The following ZNF718 variants were observed in gnomAD, a reference collection of about 807,000 sequenced individuals.
The protein encoded by ZNF718 is zinc finger protein 718.
In ZNF718, 3 loss-of-function variants were observed where a neutral mutation model predicts 2.6. The ratio of observed to expected loss-of-function variants is 1.16; its 90% CI spans 0.53 to 3.01. The LOEUF is 3.01. ZNF718 is among the 30% of genes most tolerant of loss of function. The pLI is 0.03. For synonymous variants in ZNF718, 135 were observed against 77.9 expected, an observed-to-expected ratio of 1.73 and a Z score of -3.86; for missense variants, 468 against 230.0, an observed-to-expected ratio of 2.03 and a Z score of -6.69.
chr4:158,878 ATACT>A (rs1161859168), intron 3 of ZNF718, among the ~76,000 whole-genome samples: 12 of 125,464 alleles, frequency 9.6e-5, no homozygotes, highest in South Asian at 5.4e-4. Flanking sequence ...TCAGTGAAAG[ATACT>A]TTCTTTAGCC....
Position 130,914 on chromosome 4 carries a change from G to T in ZNF718, c.130G>T (p.Gly44Cys). 1 of 344,912 alleles carries T rather than the reference G, an allele frequency of 2.9e-6. No individual in the cohort carries two copies. 21.4% of individuals were successfully genotyped at this position (344,912 alleles called of 1,614,324 possible). A position where few individuals can be genotyped will look rare whatever the true frequency, so the allele number is the denominator to read the frequency against. ...GAACTACAGAAACCTGGTCTCCCTGGGTAAGGATAACTTTAATATGTAATT... is the reference window on the plus strand; with the variant it reads ...GAACTACAGAAACCTGGTCTCCCTGTGTAAGGATAACTTTAATATGTAATT... ...LENYRNLVSL[G>C]VSISNPDLVT... Residue 44 changes from glycine to cysteine, a missense_variant and splice_region_variant, in exon 2 of 4, where the codon GGT (glycine) becomes TGT (cysteine). Coordinates refer to ENST00000510175, the MANE Select transcript of ZNF718 (RefSeq NM_001039127.6).
chr4:145,660 G>A (rs1166694423), intron 3 of ZNF718, among the ~76,000 whole-genome samples: 6 of 151,998 alleles, frequency 3.9e-5, no homozygotes, highest in Non-Finnish European at 8.8e-5. Context: ...GTTTTGCCAT[G>A]TTGCTCAGGC....
rs1716943971 is a variant in ZNF718 at position 162,598 on chromosome 4, A to G, written c.*476A>G. On this transcript the variant is annotated 3_prime_UTR_variant, in exon 4 of 4. Coordinates refer to ENST00000510175, the MANE Select transcript of ZNF718 (RefSeq NM_001039127.6). ...AAAAGTGAAGAAGAGTATTCTGAAG[A>G]TAGACAATAGAAATAGTAAGAGGGT... 6.5e-6 allele frequency: 1 copy of G among 153,252 alleles called. No homozygotes were observed. The highest frequency in any genetic ancestry group is 2.4e-5 in the African/African-American group (1 of 41,470). 9.5% of individuals were successfully genotyped at this position (153,252 alleles called of 1,614,324 possible). A position where few individuals can be genotyped will look rare whatever the true frequency, so the allele number is the denominator to read the frequency against.
At chr4:176,665 C>T (rs1242336389) in intron 3 of ZNF718, among the ~76,000 whole-genome samples, 2 of 152,184 alleles carry the variant, frequency 1.3e-5, no homozygotes, top group African/African-American at 4.8e-5. Flanking sequence ...ACTCTTCTTG[C>T]AGTCAATCCA....
chr4:177,008 G>A (rs144626139), intron 3 of ZNF718, among the ~76,000 whole-genome samples: 278 of 152,284 alleles, frequency 1.8e-3, no homozygotes, highest in Non-Finnish European at 3.0e-3. Flanking sequence ...AATTGGACCA[G>A]AACATACACT....
chr4:174,761 T>G (rs868981901), intron 3 of ZNF718, among the ~76,000 whole-genome samples: 5 of 152,320 alleles, frequency 3.3e-5, no homozygotes, highest in African/African-American at 1.2e-4. Flanking sequence ...TCCAAGGCCC[T>G]TCTCAAATAA....
At chr4:175,421 C>T in intron 3 of ZNF718, among the ~76,000 whole-genome samples, 1 of 152,216 alleles carries the variant, frequency 6.6e-6, no homozygotes, top group East Asian at 1.9e-4. Flanking sequence ...AACTCAGCTA[C>T]TGTTGTGAGC....
intron 3 of ZNF718, among the ~76,000 whole-genome samples, chr4:138,275 C>T (rs553135029): frequency 4.9e-4 from 75 of 152,302 alleles, no homozygotes; most frequent in African/African-American, 1.6e-3. Context: ...TCCCCACTTC[C>T]CCCAGTCCCC....
chr4:175,852 C>CTTTTTTTTT (rs1158577358), intron 3 of ZNF718, among the ~76,000 whole-genome samples: 8 of 98,930 alleles, frequency 8.1e-5, no homozygotes, highest in Non-Finnish European at 1.2e-4. Flanking sequence ...GATTAACAGT[C>CTTTTTTTTT]TTTTTTTTTT....
intron 3 of ZNF718, among the ~76,000 whole-genome samples, chr4:171,822 C>T (rs1717241343): frequency 6.6e-6 from 1 of 152,202 alleles, no homozygotes; most frequent in Non-Finnish European, 1.5e-5. Flanking sequence ...CCTGCTTCAG[C>T]TCAAGCTTGG....
intron 3 of ZNF718, among the ~76,000 whole-genome samples, chr4:197,009 C>G (rs1313680397): frequency 1.3e-5 from 2 of 149,156 alleles, no homozygotes; most frequent in African/African-American, 4.9e-5. Context: ...GGGGGCAGCC[C>G]ATCCCCATCT....
At chr4:139,816 A>T (rs567394014) in intron 3 of ZNF718, among the ~76,000 whole-genome samples, 126 of 152,188 alleles carry the variant, frequency 8.3e-4, no homozygotes, top group Non-Finnish European at 1.5e-3. Flanking sequence ...AACTTGGAAC[A>T]CTTGGTGGGC....
intron 3 of ZNF718, among the ~76,000 whole-genome samples, chr4:173,724 G>A (rs1717290841): frequency 6.6e-6 from 1 of 152,200 alleles, no homozygotes. Context: ...GAAGGGCCAA[G>A]ATAAAATTGC....
chr4:136,720 C>A (rs1560109919), intron 3 of ZNF718, among the ~76,000 whole-genome samples: 1 of 152,220 alleles, frequency 6.6e-6, no homozygotes, highest in Non-Finnish European at 1.5e-5. Context: ...TATCTTATTT[C>A]ACTTAAAATA....
chr4:183,240 C>A (rs56983094), intron 3 of ZNF718, among the ~76,000 whole-genome samples: 2,157 of 152,274 alleles, frequency 0.014, 54 homozygotes, highest in African/African-American at 0.05. Context: ...CTCCCAACAC[C>A]ATTTATTAAA....
chr4:143,411 C>T (rs1715899833), intron 3 of ZNF718, among the ~76,000 whole-genome samples: 1 of 152,146 alleles, frequency 6.6e-6, no homozygotes. Context: ...TGATCTTGAA[C>T]TCCTGACCTT....
At chr4:175,580 G>A (rs1401454302) in intron 3 of ZNF718, among the ~76,000 whole-genome samples, 2 of 152,176 alleles carry the variant, frequency 1.3e-5, no homozygotes, top group African/African-American at 2.4e-5. Context: ...TGCAGCACCA[G>A]GAGTTCCAAT....
At chr4:164,895 T>A (rs1386969638), downstream of ZNF718, among the ~76,000 whole-genome samples, 1 of 152,148 alleles carries the variant, frequency 6.6e-6, no homozygotes, top group Non-Finnish European at 1.5e-5. Context: ...CATAATTAGG[T>A]ATAAATATTT....
intron 3 of ZNF718, among the ~76,000 whole-genome samples, chr4:155,868 A>G (rs560249261): frequency 2.6e-5 from 4 of 152,256 alleles, no homozygotes; most frequent in African/African-American, 7.2e-5. Flanking sequence ...CTCATTTTGA[A>G]TTATAGCTCC....
Sources: allele counts gnomAD v4.1 joint callset (sites outside exome capture counted in the v4.1 genomes callset), GRCh38; gene constraint gnomAD v4.1.1; transcripts MANE v1.5; gene names NCBI Gene and HGNC (gene_info 2026-07-23, HGNC 2026-07-21).